The following NCAM2 variants were observed in gnomAD, a reference collection of about 807,000 sequenced individuals.
NCAM2 encodes neural cell adhesion molecule 2, also known as N-CAM-2.
Under a neutral mutation model 98.1 loss-of-function variants are expected in NCAM2, and 30 were observed. The observed-to-expected ratio is 0.31, with a 90% confidence interval of 0.23 to 0.41. The LOEUF (loss-of-function observed/expected upper bound fraction) is 0.41, where lower values mean the gene tolerates loss of function less well. Among genes scored for constraint, NCAM2 ranks in the 10% least tolerant of loss-of-function variants. The probability of loss-of-function intolerance (pLI) is 1.00; values close to 1 mark genes in which losing one functional copy is unlikely to be tolerated. For synonymous variants in NCAM2, 368 were observed against 342.4 expected (o/e 1.07, Z -0.83); for missense variants, 867 against 1,005.8 (o/e 0.86, Z 1.87).
intron 1 of NCAM2, among the ~76,000 whole-genome samples, chr21:21,127,892 GT>G (rs1418294630): frequency 1.3e-5 from 2 of 151,982 alleles, no homozygotes; most frequent in East Asian, 3.9e-4. Context: ...TTAAATATAC[GT>G]TTAGCTTCCT....
intron 15 of NCAM2, among the ~76,000 whole-genome samples, chr21:21,501,245 A>C (rs553384201): frequency 1.2e-4 from 19 of 152,114 alleles, no homozygotes; most frequent in South Asian, 8.3e-4. Flanking sequence ...GCGTTGTATA[A>C]ATCTCAGAAA....
intron 1 of NCAM2, among the ~76,000 whole-genome samples, chr21:21,002,843 A>G (rs1300221174): frequency 6.6e-6 from 1 of 152,124 alleles, no homozygotes; most frequent in African/African-American, 2.4e-5. Flanking sequence ...TAAATTTTAA[A>G]TTTATTGTTC....
chr21:21,207,195 T>C (rs752259858), intron 1 of NCAM2, among the ~76,000 whole-genome samples: 7 of 152,196 alleles, frequency 4.6e-5, no homozygotes, highest in Non-Finnish European at 8.8e-5. Flanking sequence ...TTAATCAGAA[T>C]ATTGTTATGT....
intron 5 of NCAM2, among the ~76,000 whole-genome samples, chr21:21,313,108 C>T (rs1568921753): frequency 6.6e-6 from 1 of 151,806 alleles, no homozygotes; most frequent in African/African-American, 2.4e-5. Context: ...TATGTGTCAT[C>T]TCTCCTTTTT....
At position 21,175,196 on chromosome 21, in the gene NCAM2, T is replaced by G. The variant is rs769271195; in HGVS notation, c.56-105382T>G. Among the ~76,000 whole-genome samples, 8 of 151,958 alleles carry G rather than the reference T, an allele frequency of 5.3e-5. No homozygotes were observed. In the South Asian group the frequency reaches 1.7e-3, roughly 32 times the overall value. On this transcript the variant is annotated intron_variant, in intron 1 of 17. Coordinates refer to ENST00000400546, the MANE Select transcript of NCAM2 (RefSeq NM_004540.5). ...ACAAGTCAAGATGTAAATTCAGTAATCCGGGGTCAGTGGGTGGGGAAGGCT... is the reference window on the plus strand; with the variant it reads ...ACAAGTCAAGATGTAAATTCAGTAAGCCGGGGTCAGTGGGTGGGGAAGGCT...
intron 16 of NCAM2, among the ~76,000 whole-genome samples, chr21:21,514,528 C>A (rs539610751): frequency 6.7e-6 from 1 of 148,432 alleles, no homozygotes; most frequent in East Asian, 2.0e-4. Context: ...AGTGCCTGAT[C>A]TTCATGTAGT....
At chr21:21,015,950 C>G (rs994055221) in intron 1 of NCAM2, among the ~76,000 whole-genome samples, 1 of 152,026 alleles carries the variant, frequency 6.6e-6, no homozygotes, top group Non-Finnish European at 1.5e-5. Context: ...TCAGGTAATC[C>G]GCCCACTTCG....
intron 8 of NCAM2, 139 bp downstream of exon 8, chr21:21,338,673 C>T: frequency 1.1e-6 from 1 of 880,884 alleles, no homozygotes; most frequent in East Asian, 2.9e-5. Flanking sequence ...AAAAAGGTAA[C>T]TAACACAATG....
At chr21:21,411,771 T>A (rs2076892234) in intron 10 of NCAM2, among the ~76,000 whole-genome samples, 1 of 152,178 alleles carries the variant, frequency 6.6e-6, no homozygotes, top group African/African-American at 2.4e-5. Flanking sequence ...AATGTCCTCA[T>A]TGATGCCATT....
chr21:21,220,927 A>G (rs902243502), intron 1 of NCAM2, among the ~76,000 whole-genome samples: 1 of 152,178 alleles, frequency 6.6e-6, no homozygotes, highest in Non-Finnish European at 1.5e-5. Context: ...ATATTTTACA[A>G]ATTGAATTTT....
At chr21:21,031,586 G>A (rs964089147) in intron 1 of NCAM2, among the ~76,000 whole-genome samples, 4 of 152,106 alleles carry the variant, frequency 2.6e-5, no homozygotes, top group African/African-American at 9.7e-5. Context: ...ATCTTGGTTT[G>A]GTTTTGGAAG....
rs940864653 is a variant in NCAM2 at position 20,998,416 on chromosome 21, G to A, written c.-148G>A. ...AGAGCGGAGCTTGCAGTCACTTTGC[G>A]AGGAGGAGCGCGCGGGCTGCGGGCG... On this transcript the variant is annotated 5_prime_UTR_variant, in exon 1 of 18. Coordinates refer to ENST00000400546, the MANE Select transcript of NCAM2 (RefSeq NM_004540.5). 2 of 634,416 alleles carry A rather than the reference G, an allele frequency of 3.2e-6. No individual in the cohort carries two copies. Among genetic ancestry groups the A allele is most frequent in the Non-Finnish European group, 5.3e-6 (2 of 378,098 alleles). 39.3% of individuals were successfully genotyped at this position (634,416 alleles called of 1,614,324 possible).
intron 10 of NCAM2, among the ~76,000 whole-genome samples, chr21:21,411,675 A>G (rs1007274908): frequency 6.6e-6 from 1 of 152,118 alleles, no homozygotes; most frequent in Non-Finnish European, 1.5e-5. Flanking sequence ...AGGTTGCTAC[A>G]TTTTATTCAC....
At chr21:21,144,727 T>G (rs1291881375) in intron 1 of NCAM2, among the ~76,000 whole-genome samples, 1 of 152,218 alleles carries the variant, frequency 6.6e-6, no homozygotes, top group Non-Finnish European at 1.5e-5. Flanking sequence ...CTGACACATC[T>G]TCCTTCATTT....
chr21:21,054,739 A>G (rs1282996354), intron 1 of NCAM2, among the ~76,000 whole-genome samples: 1 of 152,056 alleles, frequency 6.6e-6, no homozygotes, highest in African/African-American at 2.4e-5. Flanking sequence ...GTTAAATTAG[A>G]TTTTGAAAAT....
chr21:21,381,990 T>C (rs2076163401), intron 9 of NCAM2, among the ~76,000 whole-genome samples: 1 of 152,156 alleles, frequency 6.6e-6, no homozygotes, highest in South Asian at 2.1e-4. Flanking sequence ...GAATTCTACA[T>C]TGACATTTCT....
chr21:21,336,816 A>C (rs2074884134), intron 7 of NCAM2, among the ~76,000 whole-genome samples: 1 of 152,208 alleles, frequency 6.6e-6, no homozygotes, highest in Non-Finnish European at 1.5e-5. Flanking sequence ...ATGTTTTGAG[A>C]AAGAAATTGG....
At chr21:21,176,674 G>T (rs2068300420) in intron 1 of NCAM2, among the ~76,000 whole-genome samples, 1 of 151,176 alleles carries the variant, frequency 6.6e-6, no homozygotes, top group Non-Finnish European at 1.5e-5. Context: ...TTTTAAAAGT[G>T]TTTTTTTTGA....
At chr21:21,027,920 G>C (rs933073188) in intron 1 of NCAM2, among the ~76,000 whole-genome samples, 3 of 150,712 alleles carry the variant, frequency 2.0e-5, no homozygotes, top group Non-Finnish European at 4.4e-5. Flanking sequence ...GCGGTGGCAC[G>C]ATCTCGGCTC....
Sources: gnomAD v4.1 joint callset for allele counts (sites outside exome capture counted in the v4.1 genomes callset) on GRCh38, gnomAD v4.1.1 for gene constraint, MANE v1.5 for transcripts, NCBI Gene and HGNC (gene_info 2026-07-23, HGNC 2026-07-21) for gene names.